The following NPIPB2 variants were observed in gnomAD, a reference collection of about 807,000 sequenced individuals.
NPIPB2 encodes the protein nuclear pore complex-interacting protein family member B2.
Under a neutral mutation model 30.8 loss-of-function variants are expected in NPIPB2, and 27 were observed. The observed-to-expected ratio is 0.88, with a 90% CI of 0.65 to 1.21. The LOEUF is 1.21. NPIPB2 is among the 50% of genes most tolerant of loss of function. The pLI is 0.00. For missense variants in NPIPB2, 440 were observed against 446.2 expected, an observed-to-expected ratio of 0.99 and a Z score of 0.13; for synonymous variants, 147 against 162.0, an observed-to-expected ratio of 0.91 and a Z score of 0.70.
chr16:11,934,150 A>C (rs1304955299), intron 2 of NPIPB2, among the ~76,000 whole-genome samples: 1 of 150,882 alleles, frequency 6.6e-6, no homozygotes, highest in Non-Finnish European at 1.5e-5. Context: ...GAACCGTTTG[A>C]AGCTGGGAGG....
chr16:11,946,178 G>C (rs1048325922), upstream of NPIPB2, among the ~76,000 whole-genome samples: 1 of 151,960 alleles, frequency 6.6e-6, no homozygotes, highest in Non-Finnish European at 1.5e-5. Flanking sequence ...CTGAGGTCAG[G>C]AGTTCAAGAC....
At chr16:11,954,501 A>G (rs1365016212) in intron 1 of NPIPB2, among the ~76,000 whole-genome samples, 4 of 151,602 alleles carry the variant, frequency 2.6e-5, no homozygotes, top group Non-Finnish European at 5.9e-5. Context: ...AAGAAAGAAA[A>G]AAAAGAATGT....
chr16:11,968,284 C>A (rs371410711), intron 1 of NPIPB2, among the ~76,000 whole-genome samples: 5 of 152,238 alleles, frequency 3.3e-5, no homozygotes, highest in African/African-American at 9.6e-5. Flanking sequence ...TGAGACCAGC[C>A]TGGCCAACAT....
chr16:11,949,905 G>C (rs546384363), intron 1 of NPIPB2, among the ~76,000 whole-genome samples: 1 of 152,278 alleles, frequency 6.6e-6, no homozygotes, highest in South Asian at 2.1e-4. Flanking sequence ...ATCTGCTTTG[G>C]AGATACAGTA....
chr16:11,933,579 C>T (rs1239293468), exon 4 of NPIPB2: 4 of 1,594,124 alleles, frequency 2.5e-6, no homozygotes, highest in South Asian at 1.1e-5. Context: ...TCGTTGTCAC[C>T]TTCATCTTAC....
intron 1 of NPIPB2, among the ~76,000 whole-genome samples, chr16:11,962,057 G>A (rs2055156282): frequency 6.6e-6 from 1 of 151,948 alleles, no homozygotes. Flanking sequence ...AAAATTAGCT[G>A]GGCATGGTGG....
At chr16:11,944,329 G>T (rs970587022), upstream of NPIPB2, among the ~76,000 whole-genome samples, 1 of 151,696 alleles carries the variant, frequency 6.6e-6, no homozygotes, top group Non-Finnish European at 1.5e-5. Context: ...ACCACACCCA[G>T]CTAATTTTTG....
At chr16:11,960,336 T>C (rs552902151) in intron 1 of NPIPB2, among the ~76,000 whole-genome samples, 2 of 151,050 alleles carry the variant, frequency 1.3e-5, no homozygotes, top group East Asian at 4.0e-4. Context: ...GGCTTCTGGC[T>C]TCCCAGGTAT....
intron 1 of NPIPB2, 111 bp from the exon 2 acceptor site, chr16:11,937,779 C>A: frequency 2.8e-6 from 4 of 1,438,352 alleles, no homozygotes; most frequent in Non-Finnish European, 3.8e-6. Flanking sequence ...TAACCACATC[C>A]CTCAGATATC....
chr16:11,933,974 T>C (rs199869116), intron 2 of NPIPB2, 50 bp from the exon 3 acceptor site: 1 of 1,430,084 alleles, frequency 7.0e-7, no homozygotes, highest in Non-Finnish European at 9.7e-7. Context: ...GGTTCATGCG[T>C]ATAATCCCAG....
At chr16:11,959,674 A>G (rs1392608873) in intron 1 of NPIPB2, among the ~76,000 whole-genome samples, 1 of 152,070 alleles carries the variant, frequency 6.6e-6, no homozygotes, top group Non-Finnish European at 1.5e-5. Context: ...CTTTCTTTAG[A>G]TTTTGTCTAT....
At chr16:11,937,861 T>C (rs1316650580) in intron 1 of NPIPB2, among the ~76,000 whole-genome samples, 193 bp from the exon 2 acceptor site, 4 of 152,170 alleles carry the variant, frequency 2.6e-5, no homozygotes, top group Non-Finnish European at 5.9e-5. Flanking sequence ...GCTGGTAGTG[T>C]TTTTAGGCAT....
At chr16:11,973,924 T>G (rs938509249) in intron 1 of NPIPB2, among the ~76,000 whole-genome samples, 4 of 152,364 alleles carry the variant, frequency 2.6e-5, no homozygotes, top group African/African-American at 9.6e-5. Flanking sequence ...GATCCTGGAA[T>G]GGAGATTATG....
exon 8 of NPIPB2, chr16:11,927,549 T>A (rs780922967): frequency 4.4e-6 from 7 of 1,604,648 alleles, no homozygotes; most frequent in East Asian, 4.5e-5. Flanking sequence ...GCTCTCCACC[T>A]CTTGGGTTTG....
chr16:11,946,124 A>G (rs1158791702), upstream of NPIPB2, among the ~76,000 whole-genome samples: 2 of 151,872 alleles, frequency 1.3e-5, no homozygotes, highest in African/African-American at 4.8e-5. Context: ...GGTGGCTTAT[A>G]CCTGTAATCC....
intron 1 of NPIPB2, among the ~76,000 whole-genome samples, chr16:11,940,848 T>C (rs2054929374): frequency 1.3e-5 from 2 of 149,914 alleles, no homozygotes; most frequent in Non-Finnish European, 1.5e-5. Flanking sequence ...TTTTGTTTGT[T>C]AGAGACAAGA....
chr16:11,960,929 C>T (rs2055148743), intron 1 of NPIPB2, among the ~76,000 whole-genome samples: 1 of 150,064 alleles, frequency 6.7e-6, no homozygotes, highest in Non-Finnish European at 1.5e-5. Context: ...TGCAGTGGCG[C>T]AATCTTGGCT....
At chr16:11,945,362 C>G (rs1273315653), upstream of NPIPB2, among the ~76,000 whole-genome samples, 1 of 152,000 alleles carries the variant, frequency 6.6e-6, no homozygotes, top group South Asian at 2.1e-4. Flanking sequence ...GCCTGGGCAA[C>G]ATAGTGAGAC....
Position 11,966,369 on chromosome 16 carries a change from C to A in NPIPB2, c.-584+10199G>T, listed in dbSNP as rs528485229. On this transcript the variant is annotated intron_variant, in intron 1 of 5. Coordinates refer to the NPIPB2 transcript ENST00000538896. ...TGGTTTGATGGTGAATCTTTGAAAT[C>A]TATTTCCAGGGGATGGCTATTGTGA... 6.0e-5 allele frequency: 96 copies of A among 1,600,890 alleles called. No homozygotes were observed. In the South Asian group the frequency reaches 1.0e-3, roughly 17 times the overall value.
Sources: allele counts gnomAD v4.1 joint callset (sites outside exome capture counted in the v4.1 genomes callset), GRCh38; gene constraint gnomAD v4.1.1; transcripts MANE v1.5; gene names NCBI Gene and HGNC (gene_info 2026-07-23, HGNC 2026-07-21).